ACTR3C: variants seen among roughly 807,000 people sequenced by gnomAD.
The protein encoded by ACTR3C is actin-related protein 3C.
In ACTR3C, 18 loss-of-function variants were observed where a neutral mutation model predicts 26.3. The ratio of observed to expected loss-of-function variants is 0.68; its 90% CI spans 0.47 to 1.01. The LOEUF is 1.01. Among genes scored for constraint, ACTR3C ranks in the 50% least tolerant of loss-of-function variants. ACTR3C has a pLI of 0.00. For missense variants in ACTR3C, 184 were observed against 250.7 expected (o/e 0.73, Z 1.80); for synonymous variants, 55 against 94.5 (o/e 0.58, Z 2.42).
the ACTR3C span, among the ~76,000 whole-genome samples, chr7:149,926,360 T>C: frequency 2.0e-5 from 3 of 152,202 alleles, no homozygotes; most frequent in African/African-American, 7.2e-5. Flanking sequence ...TCTAGGATCT[T>C]GGAGTTCAGG....
chr7:150,181,254 A>C, the ACTR3C span, among the ~76,000 whole-genome samples: 3 of 150,988 alleles, frequency 2.0e-5, no homozygotes, highest in Non-Finnish European at 4.4e-5. Flanking sequence ...ATAAACTATT[A>C]CATTTGAAAT....
chr7:150,104,379 T>A, the ACTR3C span, among the ~76,000 whole-genome samples: 2 of 152,048 alleles, frequency 1.3e-5, no homozygotes, highest in Non-Finnish European at 2.9e-5. Context: ...TAATAATTTT[T>A]AAAAAAGTTC....
the ACTR3C span, among the ~76,000 whole-genome samples, chr7:150,152,604 T>G: frequency 1.3e-4 from 20 of 152,194 alleles, no homozygotes; most frequent in Non-Finnish European, 2.5e-4. Context: ...AATTCTCCTT[T>G]TTGGTTGTGT....
chr7:150,157,711 T>C, the ACTR3C span, among the ~76,000 whole-genome samples: 1 of 151,746 alleles, frequency 6.6e-6, no homozygotes, highest in South Asian at 2.1e-4. Context: ...AGACGAAGAG[T>C]AGAATGGGGA....
At chr7:150,029,691 T>A in the ACTR3C span, among the ~76,000 whole-genome samples, 22 of 152,028 alleles carry the variant, frequency 1.4e-4, no homozygotes, top group African/African-American at 5.1e-4. Flanking sequence ...TGCTTCCAAT[T>A]TTCAAATGAC....
At chr7:150,109,045 C>A in the ACTR3C span, among the ~76,000 whole-genome samples, 5 of 152,144 alleles carry the variant, frequency 3.3e-5, no homozygotes, top group African/African-American at 9.6e-5. Context: ...CCTAAATTAA[C>A]ACCTGCAGGA....
At chr7:150,081,688 T>G in the ACTR3C span, among the ~76,000 whole-genome samples, 9 of 151,494 alleles carry the variant, frequency 5.9e-5, no homozygotes, top group East Asian at 1.2e-3. Context: ...TTGTTTTGCA[T>G]TTTTCCATAT....
the ACTR3C span, among the ~76,000 whole-genome samples, chr7:150,039,360 T>TC: frequency 5.1e-4 from 47 of 92,336 alleles, no homozygotes; most frequent in Non-Finnish European, 7.6e-5. Flanking sequence ...TGGGGTTGCC[T>TC]CCCCCTCCTG....
chr7:149,975,120 T>C, the ACTR3C span, among the ~76,000 whole-genome samples: 1 of 152,214 alleles, frequency 6.6e-6, no homozygotes, highest in Non-Finnish European at 1.5e-5. Flanking sequence ...TGAAACATTC[T>C]CTAAAATAGA....
At chr7:150,039,112 C>G in the ACTR3C span, among the ~76,000 whole-genome samples, 66 of 149,788 alleles carry the variant, frequency 4.4e-4, no homozygotes, top group South Asian at 8.5e-4. Flanking sequence ...CAGGTGGGTC[C>G]TAAGGATCTT....
the ACTR3C span, among the ~76,000 whole-genome samples, chr7:150,080,857 CTT>C: frequency 2.0e-5 from 3 of 152,062 alleles, no homozygotes; most frequent in Admixed American, 2.0e-4. Flanking sequence ...TCAATAAAGA[CTT>C]TACAAAAGTT....
the ACTR3C span, among the ~76,000 whole-genome samples, chr7:149,986,261 C>G: frequency 1.6e-4 from 25 of 152,198 alleles, no homozygotes; most frequent in Non-Finnish European, 3.1e-4. Flanking sequence ...CCTCCATCCC[C>G]TTTCTCGCTC....
At position 150,274,908 on chromosome 7, in the gene ACTR3C, C is replaced by T. The variant is rs1262810276; in HGVS notation, c.564+9845G>A. Among the ~76,000 whole-genome samples, 4 of 152,202 alleles carry T rather than the reference C, an allele frequency of 2.6e-5. No homozygotes were observed. Among genetic ancestry groups the T allele is most frequent in the South Asian group, 2.1e-4 (1 of 4,832 alleles). ...GCAGATCTCCTGGATGACGTTCTGG[C>T]GGTCAGCAGTCTTCTGGACACTTTC... On this transcript the variant is annotated intron_variant, in intron 6 of 7. Coordinates refer to ENST00000683684, the MANE Select transcript of ACTR3C (RefSeq NM_001164458.2). The surrounding 1 kb of genome is among the most constrained non-coding windows in gnomAD (Gnocchi z 4.1).
At chr7:150,199,725 C>CAAAAAAAAAAAA in the ACTR3C span, among the ~76,000 whole-genome samples, 4 of 86,084 alleles carry the variant, frequency 4.6e-5, no homozygotes, top group Non-Finnish European at 8.3e-5. Context: ...ATATTTTTAT[C>CAAAAAAAAAAAA]AAAAAAAAAA....
At chr7:150,158,846 G>GCA in the ACTR3C span, among the ~76,000 whole-genome samples, 4 of 146,032 alleles carry the variant, frequency 2.7e-5, no homozygotes, top group Non-Finnish European at 4.5e-5. Context: ...GCACACACAG[G>GCA]CACACACACA....
chr7:150,219,809 G>A, the ACTR3C span, among the ~76,000 whole-genome samples: 1,267 of 139,992 alleles, frequency 9.1e-3, 12 homozygotes, highest in Middle Eastern at 0.014. Flanking sequence ...CCGCGGGAGA[G>A]CCCCGCGCGC....
chr7:150,078,223 T>C, the ACTR3C span, among the ~76,000 whole-genome samples: 1 of 151,602 alleles, frequency 6.6e-6, no homozygotes, highest in African/African-American at 2.4e-5. Context: ...CTTTTTTTTC[T>C]ATTTCTTCCT....
the ACTR3C span, chr7:150,040,595 GCTTT>G: frequency 6.8e-6 from 1 of 147,566 alleles, no homozygotes; most frequent in Non-Finnish European, 1.5e-5. Flanking sequence ...CAAATAACCT[GCTTT>G]CTTTCTGTTC....
At chr7:150,253,180 T>G (rs907995633) in intron 6 of ACTR3C, among the ~76,000 whole-genome samples, 1 of 152,204 alleles carries the variant, frequency 6.6e-6, no homozygotes, top group African/African-American at 2.4e-5. Context: ...CCTTGGAGTC[T>G]ACACAAGAAG....
Sources: allele counts gnomAD v4.1 joint callset (sites outside exome capture counted in the v4.1 genomes callset), GRCh38; gene constraint gnomAD v4.1.1; non-coding constraint Gnocchi (gnomAD v3.1); transcripts MANE v1.5; gene names NCBI Gene and HGNC (gene_info 2026-07-23, HGNC 2026-07-21).